ALCAM: variants seen among roughly 807,000 people sequenced by gnomAD.
ALCAM encodes CD166 antigen.
Under a neutral mutation model 70.9 loss-of-function variants are expected in ALCAM, and 30 were observed. The observed-to-expected ratio is 0.42, with a 90% confidence interval of 0.32 to 0.57. The LOEUF is 0.57. Ranked by LOEUF, ALCAM falls within the 20% of genes least tolerant of loss-of-function variation. The pLI is 0.11. For missense variants in ALCAM, 591 were observed against 695.1 expected (o/e 0.85, Z 1.68); for synonymous variants, 249 against 242.5 (o/e 1.03, Z -0.25).
chr3:105,383,106 C>A (rs547096698), intron 1 of ALCAM, among the ~76,000 whole-genome samples: 1 of 151,844 alleles, frequency 6.6e-6, no homozygotes, highest in African/African-American at 2.4e-5. Context: ...ATCACCCTTT[C>A]TTTGCCTGAA....
At chr3:105,446,204 G>T (rs1000818925) in intron 1 of ALCAM, among the ~76,000 whole-genome samples, 1 of 151,864 alleles carries the variant, frequency 6.6e-6, no homozygotes, top group Non-Finnish European at 1.5e-5. Context: ...TAAACAAATG[G>T]CAATGGGTAT....
rs113092774 is a variant in ALCAM at position 105,438,425 on chromosome 3, C to T, written c.73+70944C>T. Among the ~76,000 whole-genome samples the T allele has an allele frequency of 3.7e-3, 569 of 152,024 alleles. 4 individuals carry two copies. Among genetic ancestry groups the T allele is most frequent in the African/African-American group, 0.013 (544 of 41,470 alleles). On this transcript the variant is annotated intron_variant, in intron 1 of 15. Transcript: ENST00000306107. ...TGTTAGTTAAGCTTTTAAAAAGTCT[C>T]AGAAAAACATGAAAAATCTCTATAA...
At chr3:105,541,509 G>A (rs1036178838) in intron 7 of ALCAM, 124 bp from the exon 8 acceptor site, 93 of 1,033,036 alleles carry the variant, frequency 9.0e-5, no homozygotes, top group Middle Eastern at 2.3e-4. Context: ...CTCTTTTTGT[G>A]TGATCAATGA....
At chr3:105,405,277 C>CCA (rs1443920721) in intron 1 of ALCAM, among the ~76,000 whole-genome samples, 1 of 65,226 alleles carries the variant, frequency 1.5e-5, no homozygotes, top group Non-Finnish European at 2.7e-5. Context: ...AACTTCGTCT[C>CCA]AAAAAAAAAA....
chr3:105,380,156 T>C (rs73177470), intron 1 of ALCAM, among the ~76,000 whole-genome samples: 23,852 of 151,758 alleles, frequency 0.16, 1,999 homozygotes, highest in Middle Eastern at 0.22. Flanking sequence ...GGAAATGGTC[T>C]TCTTCCTTTT....
chr3:105,517,100 G>C (rs911957669), intron 1 of ALCAM, among the ~76,000 whole-genome samples: 3 of 151,966 alleles, frequency 2.0e-5, no homozygotes, highest in African/African-American at 7.2e-5. Flanking sequence ...TAGAAATTAG[G>C]ACGTAATTTA....
At chr3:105,541,537 A>T in intron 7 of ALCAM, 96 bp from the exon 8 acceptor site, 2 of 1,327,506 alleles carry the variant, frequency 1.5e-6, no homozygotes, top group South Asian at 3.0e-5. Flanking sequence ...TCCCTTTTTT[A>T]TCTTACTTGA....
At chr3:105,521,233 G>A (rs1479344941) in intron 2 of ALCAM, among the ~76,000 whole-genome samples, 2 of 148,874 alleles carry the variant, frequency 1.3e-5, no homozygotes, top group East Asian at 2.0e-4. Context: ...CCCGGGAAGC[G>A]GAGCTTGCAG....
At chr3:105,495,816 T>C (rs1268392079) in intron 1 of ALCAM, among the ~76,000 whole-genome samples, 1 of 152,228 alleles carries the variant, frequency 6.6e-6, no homozygotes, top group Non-Finnish European at 1.5e-5. Context: ...GAATTAAAAA[T>C]CACAGTATTG....
chr3:105,426,508 TAA>T (rs1458801838), intron 1 of ALCAM, among the ~76,000 whole-genome samples: 1 of 151,900 alleles, frequency 6.6e-6, no homozygotes, highest in Non-Finnish European at 1.5e-5. Flanking sequence ...ATGAGAATAT[TAA>T]AAAAGTCTCT....
chr3:105,571,508 C>T (rs892747007), intron 14 of ALCAM, among the ~76,000 whole-genome samples: 5 of 152,078 alleles, frequency 3.3e-5, no homozygotes, highest in African/African-American at 9.7e-5. Context: ...GGAGAAAATT[C>T]GCTTAGAACA....
rs780108513 is a variant in ALCAM at position 105,547,168 on chromosome 3, C to T, written c.1124C>T (p.Ser375Phe). The T allele has an allele frequency of 6.3e-7, 1 of 1,597,378 alleles. No homozygotes were observed. Among genetic ancestry groups the T allele is most frequent in the South Asian group, 1.1e-5 (1 of 87,718 alleles). ...VWMKDNIRLR[S>F]SPSFSSLHYQ... ...AATCAGGATAACATCAGGCTTCGAT[C>T]TAGCCCGTCATTTTCTAGTCTTCAT... The change falls in exon 10 of 16, where the codon TCT (serine) becomes TTT (phenylalanine). Residue 375 changes from serine (S) to phenylalanine (F), a missense_variant. Physicochemically the swap from Ser to Phe is radical, Grantham distance 155. This residue lies in a region of ALCAM where 427 missense variants were observed against 450.4 expected (regional missense o/e 0.95). Coordinates refer to ENST00000306107, the MANE Select transcript of ALCAM (RefSeq NM_001627.4).
intron 1 of ALCAM, among the ~76,000 whole-genome samples, chr3:105,416,928 T>C (rs1177352613): frequency 6.6e-6 from 1 of 152,000 alleles, no homozygotes; most frequent in East Asian, 1.9e-4. Flanking sequence ...AGTCTGATCA[T>C]GTTACCTCTT....
intron 1 of ALCAM, among the ~76,000 whole-genome samples, chr3:105,489,453 G>T (rs1938524439): frequency 6.6e-6 from 1 of 152,040 alleles, no homozygotes; most frequent in Admixed American, 6.6e-5. Context: ...TAGTTATCCA[G>T]AACTAGTTTT....
chr3:105,472,688 C>T (rs543634312), intron 1 of ALCAM, among the ~76,000 whole-genome samples: 4 of 151,390 alleles, frequency 2.6e-5, no homozygotes, highest in East Asian at 3.9e-4. Context: ...CATTCTTGTA[C>T]GGATTGAGAT....
In ALCAM at chr3:105,367,283, T is replaced by C. The variant is rs935813795; in HGVS notation, c.-126T>C. ...TGCAGCGCCACAGCCCAGGGGACGG[T>C]GTGTCTGGGAGAAGACGCTGCCCCT... On this transcript the variant is annotated 5_prime_UTR_variant, in exon 1 of 16. Transcript: ENST00000306107. The C allele has an allele frequency of 2.3e-6, 2 of 858,434 alleles. No individual in the cohort carries two copies. Among genetic ancestry groups the C allele is most frequent in the Admixed American group, 2.5e-5 (1 of 40,268 alleles). The allele number at this position is 858,434 out of a possible 1,614,324, so 53.2% of individuals were successfully genotyped here.
At chr3:105,505,143 G>A (rs1290714705) in intron 1 of ALCAM, among the ~76,000 whole-genome samples, 1 of 152,118 alleles carries the variant, frequency 6.6e-6, no homozygotes, top group Non-Finnish European at 1.5e-5. Context: ...CCTTGGAAGA[G>A]GTAGCTTATT....
At chr3:105,540,570 C>G (rs1940092414) in intron 7 of ALCAM, among the ~76,000 whole-genome samples, 2 of 151,930 alleles carry the variant, frequency 1.3e-5, no homozygotes, top group African/African-American at 4.8e-5. Flanking sequence ...TCTTGAAATG[C>G]CATTTCCTCA....
intron 1 of ALCAM, among the ~76,000 whole-genome samples, chr3:105,464,698 G>A (rs1277296715): frequency 6.6e-6 from 1 of 151,368 alleles, no homozygotes; most frequent in Non-Finnish European, 1.5e-5. Context: ...CTCTGTCTTT[G>A]CAAAATTAAC....
Sources: allele counts gnomAD v4.1 joint callset (sites outside exome capture counted in the v4.1 genomes callset), GRCh38; gene constraint gnomAD v4.1.1; regional missense constraint gnomAD v4.1.1; transcripts MANE v1.5; gene names NCBI Gene and HGNC (gene_info 2026-07-23, HGNC 2026-07-21).